SLC5A4: variants seen among roughly 807,000 people sequenced by gnomAD.
SLC5A4 encodes the protein solute carrier family 5 member 4.
A neutral mutation model predicts 70.3 loss-of-function variants in SLC5A4; 55 were observed. The ratio of observed to expected loss-of-function variants is 0.78; its 90% CI spans 0.63 to 0.98. The LOEUF (loss-of-function observed/expected upper bound fraction) is 0.98, where lower values mean the gene tolerates loss of function less well. Ranked by LOEUF, SLC5A4 falls within the 50% of genes least tolerant of loss-of-function variation. SLC5A4 has a pLI of 0.00. For synonymous variants in SLC5A4, 268 were observed against 305.7 expected (o/e 0.88, Z 1.29); for missense variants, 735 against 839.2 (o/e 0.88, Z 1.53).
At chr22:32,250,959 G>A (rs1927105226) in intron 3 of SLC5A4, among the ~76,000 whole-genome samples, 1 of 151,710 alleles carries the variant, frequency 6.6e-6, no homozygotes, top group Admixed American at 6.6e-5. Flanking sequence ...CCTGTCAGGG[G>A]GTGAGGGGCA....
At chr22:32,301,146 A>G in the SLC5A4 span, among the ~76,000 whole-genome samples, 4 of 152,160 alleles carry the variant, frequency 2.6e-5, no homozygotes, top group African/African-American at 9.7e-5. Flanking sequence ...TATTTTTAGT[A>G]GAGACGGGGT....
chr22:32,321,400 TGAG>T, the SLC5A4 span, among the ~76,000 whole-genome samples: 1 of 152,164 alleles, frequency 6.6e-6, no homozygotes, highest in Admixed American at 6.5e-5. Context: ...TGCAGTGAGC[TGAG>T]ATCGCGCCAC....
At chr22:32,264,697 A>C in the SLC5A4 span, among the ~76,000 whole-genome samples, 3 of 152,356 alleles carry the variant, frequency 2.0e-5, no homozygotes, top group Non-Finnish European at 4.4e-5. Context: ...TTTAAAAAGA[A>C]GACATCTAAA....
the SLC5A4 span, among the ~76,000 whole-genome samples, chr22:32,274,311 A>C: frequency 3.3e-5 from 5 of 152,254 alleles, no homozygotes; most frequent in South Asian, 1.0e-3. Context: ...AAGTGCTGGG[A>C]TTATAGGCAT....
the SLC5A4 span, chr22:32,342,940 A>C: frequency 2.0e-5 from 3 of 152,242 alleles, no homozygotes; most frequent in African/African-American, 7.2e-5. Context: ...CCTGCCATGT[A>C]GCCATGGCTC....
chr22:32,337,697 G>A, the SLC5A4 span, among the ~76,000 whole-genome samples: 1 of 151,990 alleles, frequency 6.6e-6, no homozygotes, highest in Admixed American at 6.5e-5. Flanking sequence ...TTCTCCAGAG[G>A]GAGAAAACTC....
At chr22:32,324,254 TACAC>T in the SLC5A4 span, among the ~76,000 whole-genome samples, 11 of 129,126 alleles carry the variant, frequency 8.5e-5, no homozygotes, top group South Asian at 1.0e-3. Context: ...TGTGTATATA[TACAC>T]ACATATATGT....
At chr22:32,313,236 T>C in the SLC5A4 span, among the ~76,000 whole-genome samples, 4,319 of 152,318 alleles carry the variant, frequency 0.028, 67 homozygotes, top group Admixed American at 0.036. Flanking sequence ...ACAGTGTGCA[T>C]TGACCTCAGC....
the SLC5A4 span, among the ~76,000 whole-genome samples, chr22:32,292,359 G>T: frequency 2.1e-5 from 3 of 142,610 alleles, no homozygotes; most frequent in South Asian, 6.6e-4. Context: ...TTTCTAATCT[G>T]TACACACATA....
chr22:32,233,231 C>T (rs547374884), intron 8 of SLC5A4, among the ~76,000 whole-genome samples, 197 bp from the exon 9 acceptor site: 5 of 152,284 alleles, frequency 3.3e-5, no homozygotes, highest in South Asian at 2.1e-4. Flanking sequence ...TGTCCATCAG[C>T]GGATGAATGG....
At chr22:32,284,903 T>C in the SLC5A4 span, 13 of 152,258 alleles carry the variant, frequency 8.5e-5, no homozygotes, top group African/African-American at 3.1e-4. Context: ...CCAGGAGGGT[T>C]TTCTTCCAGG....
intron 5 of SLC5A4, among the ~76,000 whole-genome samples, chr22:32,240,153 T>C (rs556451173): frequency 1.3e-5 from 2 of 152,172 alleles, no homozygotes; most frequent in East Asian, 1.9e-4. Flanking sequence ...GGGTTAGTTA[T>C]GATTATTTTT....
chr22:32,293,105 TTGAG>T, the SLC5A4 span, among the ~76,000 whole-genome samples: 3 of 152,280 alleles, frequency 2.0e-5, no homozygotes, highest in South Asian at 2.1e-4. Flanking sequence ...TGTTTATTGT[TTGAG>T]TTAGTGCTTG....
chr22:32,337,400 G>C, the SLC5A4 span, among the ~76,000 whole-genome samples: 1 of 152,294 alleles, frequency 6.6e-6, no homozygotes, highest in Admixed American at 6.5e-5. Context: ...TGGGTGTGGT[G>C]ACACAGGTCT....
chr22:32,326,855 G>A, the SLC5A4 span, among the ~76,000 whole-genome samples: 9 of 152,298 alleles, frequency 5.9e-5, no homozygotes, highest in East Asian at 1.9e-4. Flanking sequence ...ATGTGGCCAC[G>A]GGAGCAGAGG....
At position 32,255,319 on chromosome 22, in the gene SLC5A4, G is replaced by A. The variant is rs16990065; in HGVS notation, c.11C>T (p.Thr4Met). ...CTCAGCTATGGTGCTGGGGCTAACC[G>A]TACTGGCCATGGCTGCAGGCAGTGC... Reference protein sequence around the residue: MASTVSPSTIAETP... With the variant: MASMVSPSTIAETP... The change falls in exon 1 of 15, where the codon ACG becomes ATG. Residue 4 changes from threonine (T) to methionine (M), a missense_variant. Transcript: ENST00000266086. 0.024 allele frequency: 39,480 copies of A among 1,614,022 alleles called. 596 individuals carry two copies. The highest frequency in any genetic ancestry group is 0.05 in the African/African-American group (3,747 of 75,020).
chr22:32,295,280 A>T, the SLC5A4 span, among the ~76,000 whole-genome samples: 4 of 102,420 alleles, frequency 3.9e-5, 1 homozygote, highest in East Asian at 1.1e-3. Flanking sequence ...CAGTCCCACC[A>T]ACAGTGTAAA....
the SLC5A4 span, among the ~76,000 whole-genome samples, chr22:32,313,168 GCATA>G: frequency 5.3e-5 from 8 of 152,324 alleles, no homozygotes; most frequent in African/African-American, 1.7e-4. Context: ...AATGGAGAGT[GCATA>G]CATAGAGGTA....
At chr22:32,347,321 G>A in the SLC5A4 span, among the ~76,000 whole-genome samples, 1 of 152,146 alleles carries the variant, frequency 6.6e-6, no homozygotes, top group East Asian at 1.9e-4. Context: ...TCTAGAACTA[G>A]AAATACCATT....
Sources: allele counts gnomAD v4.1 joint callset (sites outside exome capture counted in the v4.1 genomes callset), GRCh38; gene constraint gnomAD v4.1.1; transcripts MANE v1.5; gene names NCBI Gene and HGNC (gene_info 2026-07-23, HGNC 2026-07-21).